The following SMAP1 variants were observed in gnomAD, a reference collection of about 807,000 sequenced individuals.
The protein encoded by SMAP1 is stromal membrane-associated protein 1.
In SMAP1, 24 loss-of-function variants were observed where a neutral mutation model predicts 58.5. The ratio of observed to expected loss-of-function variants is 0.41; its 90% CI spans 0.30 to 0.58. The LOEUF is 0.58. Ranked by LOEUF, SMAP1 falls within the 20% of genes least tolerant of loss-of-function variation. The pLI is 0.29. For synonymous variants in SMAP1, 216 were observed against 196.6 expected, an observed-to-expected ratio of 1.10 and a Z score of -0.82; for missense variants, 563 against 566.3, an observed-to-expected ratio of 0.99 and a Z score of 0.06.
intron 4 of SMAP1, among the ~76,000 whole-genome samples, chr6:70,778,593 G>T (rs1767636463): frequency 6.6e-6 from 1 of 152,204 alleles, no homozygotes; most frequent in Non-Finnish European, 1.5e-5. Context: ...ATGTGCAATG[G>T]ATGTCATAGG....
chr6:70,673,893 C>A lies in SMAP1; in HGVS notation c.118+5752C>A, dbSNP rs187049590. On this transcript the variant is annotated intron_variant, in intron 1 of 10. Transcript: ENST00000370455. ...TTTGTTCTTCACAGTTCTTCTTTGTCTTTTTTGTTTGTTTGTTTGTTTGTT... is the reference window on the plus strand; with the variant it reads ...TTTGTTCTTCACAGTTCTTCTTTGTATTTTTTGTTTGTTTGTTTGTTTGTT... Among the ~76,000 whole-genome samples the A allele has an allele frequency of 1.8e-4, 27 of 152,038 alleles. 1 individual carries two copies. In the East Asian group the frequency reaches 5.0e-3, roughly 28 times the overall value.
chr6:70,836,914 T>C (rs1225001433), intron 6 of SMAP1, 27 bp from the exon 7 acceptor site: 6 of 1,502,810 alleles, frequency 4.0e-6, no homozygotes, highest in Non-Finnish European at 5.3e-6. Context: ...TAAGAAAAAT[T>C]AATAAATCCA....
intron 3 of SMAP1, among the ~76,000 whole-genome samples, chr6:70,764,929 AT>A (rs1766902881): frequency 6.6e-6 from 1 of 152,002 alleles, no homozygotes. Flanking sequence ...CGTCCTGAGT[AT>A]TTGGGACTAC....
chr6:70,741,279 G>GC (rs1765803957), intron 2 of SMAP1, among the ~76,000 whole-genome samples: 1 of 152,188 alleles, frequency 6.6e-6, no homozygotes, highest in Non-Finnish European at 1.5e-5. Flanking sequence ...AAAATCAAAA[G>GC]CAAGGTAGTT....
At chr6:70,691,693 A>G (rs1214743578) in intron 1 of SMAP1, among the ~76,000 whole-genome samples, 2 of 152,216 alleles carry the variant, frequency 1.3e-5, no homozygotes, top group Non-Finnish European at 2.9e-5. Flanking sequence ...CTCCTATAAA[A>G]GAGTGAGAAT....
chr6:70,672,343 C>T (rs1349695081), intron 1 of SMAP1, among the ~76,000 whole-genome samples: 1 of 152,090 alleles, frequency 6.6e-6, no homozygotes, highest in Non-Finnish European at 1.5e-5. Flanking sequence ...ACGTGCTGTT[C>T]TTCTGCCTGG....
intron 4 of SMAP1, among the ~76,000 whole-genome samples, chr6:70,788,613 C>G (rs570338129): frequency 6.6e-6 from 1 of 152,180 alleles, no homozygotes; most frequent in South Asian, 2.1e-4. Flanking sequence ...CTAATAGAAG[C>G]ATGGGTTTCT....
chr6:70,791,735 C>T lies in SMAP1; in HGVS notation c.461C>T (p.Ser154Phe), dbSNP rs1024810250. Reference protein sequence around the residue: ...APLQPLVSSPSLQAAVDKNKL... With the variant: ...APLQPLVSSPFLQAAVDKNKL... ...CTTCAGCCTTTGGTATCCTCTCCTT[C>T]TCTGCAAGCTGCTGTTGACAAAAAT... The change falls in exon 5 of 11, where the codon TCT becomes TTT. Residue 154 changes from serine (S) to phenylalanine (F), a missense_variant. Coordinates refer to ENST00000370455, the MANE Select transcript of SMAP1 (RefSeq NM_001044305.3). 1 of 1,613,480 alleles carries T rather than the reference C, an allele frequency of 6.2e-7. No individual in the cohort carries two copies. Among genetic ancestry groups the T allele is most frequent in the Non-Finnish European group, 8.5e-7 (1 of 1,179,722 alleles).
intron 5 of SMAP1, among the ~76,000 whole-genome samples, chr6:70,798,238 G>A (rs1202511915): frequency 6.7e-6 from 1 of 149,372 alleles, no homozygotes; most frequent in African/African-American, 2.5e-5. Flanking sequence ...ATTTATCTTT[G>A]TGTAATAAAG....
Position 70,668,126 on chromosome 6 carries a change from G to A in SMAP1, c.103G>A (p.Asp35Asn). 2 of 1,599,614 alleles carry A rather than the reference G, an allele frequency of 1.3e-6. No homozygotes were observed. Among genetic ancestry groups the A allele is most frequent in the Non-Finnish European group, 1.7e-6 (2 of 1,174,052 alleles). Residue 35 changes from aspartate (D) to asparagine (N), a missense_variant, in exon 1 of 11, where the codon GAC (aspartate) becomes AAC (asparagine). This residue lies in a region of SMAP1 where 52 missense variants were observed against 46.6 expected (regional missense o/e 1.11). Transcript: ENST00000370455. ...GGAGGAGGACAACAAGTACTGCGCC[G>A]ACTGCGAGGCCAAAGGTAGCTTGGA... ...LREEDNKYCA[D>N]CEAKGPRWAS... is the part of the protein sequence containing the mutation.
chr6:70,815,248 C>T (rs1167302219), intron 6 of SMAP1, among the ~76,000 whole-genome samples: 1 of 152,018 alleles, frequency 6.6e-6, no homozygotes, highest in Non-Finnish European at 1.5e-5. Flanking sequence ...ACCCAGAGGA[C>T]CAAAACTATA....
At chr6:70,708,732 C>A (rs1767939166) in intron 1 of SMAP1, among the ~76,000 whole-genome samples, 1 of 152,050 alleles carries the variant, frequency 6.6e-6, no homozygotes, top group Non-Finnish European at 1.5e-5. Flanking sequence ...TGAGTACTTT[C>A]TGATATATGT....
At chr6:70,801,829 G>A (rs1284712592) in intron 6 of SMAP1, among the ~76,000 whole-genome samples, 2 of 152,134 alleles carry the variant, frequency 1.3e-5, no homozygotes, top group Non-Finnish European at 2.9e-5. Context: ...GGTTGTAGAT[G>A]TGTGGTGTTA....
Position 70,667,906 on chromosome 6 carries a change from G to T in SMAP1, c.-118G>T. On this transcript the variant is annotated 5_prime_UTR_variant, in exon 1 of 11. Transcript: ENST00000370455. ...TCCTCCCGTTCCAGCTGCCGCTGCC[G>T]CTTCCTGGGCTGAGTCCGCCCGCGG... 1 of 773,004 alleles carries T rather than the reference G, an allele frequency of 1.3e-6. No homozygotes were observed. Among genetic ancestry groups the T allele is most frequent in the African/African-American group, 1.9e-5 (1 of 53,858 alleles). The allele number at this position is 773,004 out of a possible 1,614,324, so 47.9% of individuals were successfully genotyped here.
chr6:70,760,765 G>T (rs1024283433), intron 3 of SMAP1, among the ~76,000 whole-genome samples: 1 of 151,974 alleles, frequency 6.6e-6, no homozygotes, highest in Non-Finnish European at 1.5e-5. Context: ...CATATAATAT[G>T]GGACCTCATT....
intron 1 of SMAP1, among the ~76,000 whole-genome samples, chr6:70,687,150 T>A (rs1439821664): frequency 6.6e-6 from 1 of 152,224 alleles, no homozygotes; most frequent in Non-Finnish European, 1.5e-5. Context: ...AGCTAATGTA[T>A]TGGATAATGC....
chr6:70,722,937 CTTTGGGGCCAGTTTATGGCCAGA>C (rs1192470987), intron 1 of SMAP1, among the ~76,000 whole-genome samples: 1 of 152,192 alleles, frequency 6.6e-6, no homozygotes, highest in African/African-American at 2.4e-5. Context: ...TTATGGCCAG[CTTTGGGGCCAGTTTATGGCCAGA>C]TTTGGGGGCC....
chr6:70,705,748 G>A (rs1421403053), intron 1 of SMAP1, among the ~76,000 whole-genome samples: 1 of 152,110 alleles, frequency 6.6e-6, no homozygotes, highest in Non-Finnish European at 1.5e-5. Flanking sequence ...ATTGTGCCAG[G>A]TACTTATGTA....
chr6:70,840,157 A>G (rs890514182), intron 7 of SMAP1, among the ~76,000 whole-genome samples: 1 of 152,234 alleles, frequency 6.6e-6, no homozygotes, highest in Non-Finnish European at 1.5e-5. Context: ...TTTCCAGAAA[A>G]TATAGAGAGA....
Sources: gnomAD v4.1 joint callset for allele counts (sites outside exome capture counted in the v4.1 genomes callset) on GRCh38, gnomAD v4.1.1 for gene constraint, gnomAD v4.1.1 regional missense constraint, MANE v1.5 for transcripts, NCBI Gene and HGNC (gene_info 2026-07-23, HGNC 2026-07-21) for gene names.